Variants in GNE observed in about 807,000 individuals in gnomAD.
GNE encodes the protein bifunctional UDP-N-acetylglucosamine 2-epimerase/N-acetylmannosamine kinase.
In GNE, 41 loss-of-function variants were observed where a neutral mutation model predicts 61.8. The ratio of observed to expected loss-of-function variants is 0.66; its 90% confidence interval spans 0.52 to 0.86. The LOEUF is 0.86. GNE is among the 40% of genes least tolerant of loss of function. The pLI is 0.00. For missense variants in GNE, 608 were observed against 909.1 expected (o/e 0.67, Z 4.26); for synonymous variants, 264 against 326.4 (o/e 0.81, Z 2.06).
chr9:36,246,440 G>A lies in GNE; in HGVS notation c.207C>T (p.Asn69=), dbSNP rs781586600. 41 of 1,613,630 alleles carry A rather than the reference G, an allele frequency of 2.5e-5. No individual in the cohort carries two copies. The highest frequency in any genetic ancestry group is 3.4e-5 in the Non-Finnish European group (40 of 1,179,816). ...CCCTCACAATTGTGTGTAGCCTGGT[G>A]TTAATGTCAAAGTCATCTTGTTCAA... ...RMIEQDDFDI[N]TRLHTIVRGE... Residue 69 remains asparagine, a synonymous_variant, in exon 3 of 12, where the codon AAC becomes AAT. Coordinates refer to ENST00000642385, the MANE Select transcript of GNE (RefSeq NM_005476.7).
At chr9:36,269,188 T>C (rs1335015801) in intron 1 of GNE, among the ~76,000 whole-genome samples, 5 of 151,362 alleles carry the variant, frequency 3.3e-5, no homozygotes, top group Middle Eastern at 3.5e-3. Context: ...TCTCTCCTCA[T>C]GTTTTTCATG....
At chr9:36,253,440 A>T (rs1035249817) in intron 1 of GNE, among the ~76,000 whole-genome samples, 2 of 150,990 alleles carry the variant, frequency 1.3e-5, no homozygotes, top group African/African-American at 4.9e-5. Context: ...CACACCCACC[A>T]AATTTTTTTG....
At chr9:36,234,569 T>C (rs1259419972) in intron 4 of GNE, among the ~76,000 whole-genome samples, 1 of 152,136 alleles carries the variant, frequency 6.6e-6, no homozygotes, top group African/African-American at 2.4e-5. Flanking sequence ...CTCGGTGGGA[T>C]AGCACTCCCA....
chr9:36,247,236 T>C (rs960322619), intron 2 of GNE, among the ~76,000 whole-genome samples: 1 of 152,046 alleles, frequency 6.6e-6, no homozygotes, highest in Non-Finnish European at 1.5e-5. Context: ...TTTGTATTTT[T>C]AGTAGAGACA....
chr9:36,239,949 GGT>G (rs1043328086), intron 3 of GNE, among the ~76,000 whole-genome samples: 2 of 151,532 alleles, frequency 1.3e-5, no homozygotes, highest in African/African-American at 4.9e-5. Context: ...TTGAGTTCTT[GGT>G]TTGATTCTCC....
chr9:36,232,864 A>G (rs1829234687), intron 5 of GNE, among the ~76,000 whole-genome samples: 1 of 152,230 alleles, frequency 6.6e-6, no homozygotes, highest in Non-Finnish European at 1.5e-5. Flanking sequence ...TGCCTAGTAC[A>G]TGGTAGGTGT....
intron 1 of GNE, among the ~76,000 whole-genome samples, chr9:36,266,180 C>T (rs1830779258): frequency 6.6e-6 from 1 of 152,136 alleles, no homozygotes; most frequent in East Asian, 1.9e-4. Flanking sequence ...ATCCACCCAC[C>T]TCAGCCTCCC....
chr9:36,261,713 G>C (rs556397595), upstream of GNE, among the ~76,000 whole-genome samples: 3 of 152,082 alleles, frequency 2.0e-5, no homozygotes, highest in Non-Finnish European at 4.4e-5. Flanking sequence ...GAGGTCAGGA[G>C]ATCAAGACCA....
intron 5 of GNE, among the ~76,000 whole-genome samples, chr9:36,231,084 AG>A (rs141072140): frequency 0.053 from 7,257 of 138,068 alleles, 232 homozygotes; most frequent in Non-Finnish European, 0.079. Flanking sequence ...AAAAAAAAAA[AG>A]AAAGAAAGAG....
At chr9:36,266,181 T>C (rs1830779416) in intron 1 of GNE, among the ~76,000 whole-genome samples, 1 of 151,926 alleles carries the variant, frequency 6.6e-6, no homozygotes, top group South Asian at 2.1e-4. Context: ...TCCACCCACC[T>C]CAGCCTCCCA....
chr9:36,245,308 A>G (rs571434811), intron 3 of GNE, among the ~76,000 whole-genome samples: 1 of 152,162 alleles, frequency 6.6e-6, no homozygotes, highest in East Asian at 1.9e-4. Context: ...AAAAACACCC[A>G]TAATCCCACA....
intron 1 of GNE, among the ~76,000 whole-genome samples, chr9:36,272,482 G>T (rs531110459): frequency 6.6e-6 from 1 of 151,852 alleles, no homozygotes; most frequent in African/African-American, 2.4e-5. Flanking sequence ...TTATCTGGGC[G>T]TGGTGGCGGG....
chr9:36,247,916 C>G (rs1389730618), intron 2 of GNE, among the ~76,000 whole-genome samples: 2 of 151,108 alleles, frequency 1.3e-5, no homozygotes, highest in Non-Finnish European at 2.9e-5. Context: ...ATCCCAGCTA[C>G]TCGGAAGGCT....
intron 3 of GNE, among the ~76,000 whole-genome samples, chr9:36,242,693 C>T (rs1233952933): frequency 1.3e-5 from 2 of 148,550 alleles, no homozygotes; most frequent in African/African-American, 5.0e-5. Flanking sequence ...GCTGGGATTA[C>T]AGGTGTGAGC....
At chr9:36,264,685 G>A (rs1011952158) in intron 1 of GNE, among the ~76,000 whole-genome samples, 2 of 152,176 alleles carry the variant, frequency 1.3e-5, no homozygotes, top group African/African-American at 4.8e-5. Context: ...TAGTTAGGAA[G>A]GTGACCGCAT....
intron 3 of GNE, among the ~76,000 whole-genome samples, chr9:36,243,950 TG>T (rs1196810932): frequency 3.6e-5 from 2 of 56,188 alleles, no homozygotes; most frequent in African/African-American, 1.8e-4. Flanking sequence ...TTTTTGTTAT[TG>T]TTTTTTGTTT....
Position 36,271,532 on chromosome 9 carries a change from C to T in GNE, c.51+5362G>A, listed in dbSNP as rs559740741. 3.3e-5 allele frequency among the ~76,000 whole-genome samples: 5 copies of T among 152,274 alleles called. No individual in the cohort carries two copies. The South Asian group carries it at 8.3e-4, about 25-fold the overall frequency. On this transcript the variant is annotated intron_variant, in intron 1 of 11. Coordinates refer to the GNE transcript ENST00000396594. ...GGGACTACAGGCGCCTGCCATCACA[C>T]CTGGCTAATTTCTGTATTTTTACTA... is the stretch of plus-strand genomic sequence containing the variant.
At chr9:36,219,655 A>C (rs1471985009) in intron 10 of GNE, among the ~76,000 whole-genome samples, 183 bp downstream of exon 10, 3 of 152,188 alleles carry the variant, frequency 2.0e-5, no homozygotes, top group Non-Finnish European at 4.4e-5. Flanking sequence ...CTGGGGAGGA[A>C]GAGTGGCAAT....
intron 1 of GNE, among the ~76,000 whole-genome samples, chr9:36,256,294 G>T (rs562727834): frequency 7.0e-6 from 1 of 142,332 alleles, no homozygotes; most frequent in East Asian, 2.1e-4. Context: ...GCCCAGGCTG[G>T]AGTGCAGTGG....
Sources: allele counts gnomAD v4.1 joint callset (sites outside exome capture counted in the v4.1 genomes callset), GRCh38; gene constraint gnomAD v4.1.1; transcripts MANE v1.5; gene names NCBI Gene and HGNC (gene_info 2026-07-23, HGNC 2026-07-21).